Variants in GLB1 observed in about 807,000 individuals in gnomAD.
The protein encoded by GLB1 is beta-galactosidase.
Under a neutral mutation model 74.0 loss-of-function variants are expected in GLB1, and 56 were observed. The observed-to-expected ratio is 0.76, with a 90% CI of 0.61 to 0.94. The LOEUF is 0.94. GLB1 is among the 40% of genes least tolerant of loss of function. The probability of loss-of-function intolerance (pLI) is 0.00; values close to 1 mark genes in which losing one functional copy is unlikely to be tolerated. For missense variants in GLB1, 787 were observed against 845.5 expected (o/e 0.93, Z 0.86); for synonymous variants, 323 against 323.6 (o/e 1.00, Z 0.02).
the GLB1 span, among the ~76,000 whole-genome samples, chr3:32,978,765 C>CTTTTT: frequency 6.7e-4 from 84 of 126,010 alleles, no homozygotes; most frequent in East Asian, 4.1e-3. Flanking sequence ...TTCTTTCTTT[C>CTTTTT]TTTTTTTTTT....
the GLB1 span, among the ~76,000 whole-genome samples, chr3:32,965,121 C>T: frequency 9.9e-5 from 15 of 152,106 alleles, no homozygotes; most frequent in African/African-American, 3.6e-4. Flanking sequence ...TGAGAACAGA[C>T]TAATACAGTA....
intron 12 of GLB1, among the ~76,000 whole-genome samples, chr3:33,020,633 G>A (rs1220284274): frequency 6.6e-6 from 1 of 152,180 alleles, no homozygotes; most frequent in East Asian, 1.9e-4. Flanking sequence ...GAAGACTAAG[G>A]AGAATATAAT....
chr3:33,054,556 C>A (rs1699139566), intron 6 of GLB1, among the ~76,000 whole-genome samples: 1 of 152,224 alleles, frequency 6.6e-6, no homozygotes, highest in Admixed American at 6.5e-5. Context: ...AAGATACTTA[C>A]AGCCTCAATA....
intron 4 of GLB1, among the ~76,000 whole-genome samples, chr3:33,066,531 AATAAATGCTTTTCTTT>A (rs1174735665): frequency 6.6e-6 from 1 of 152,182 alleles, no homozygotes; most frequent in Admixed American, 6.5e-5. Context: ...AACTGTAGGA[AATAAATGCTTTTCTTT>A]ATAAATTACT....
the GLB1 span, among the ~76,000 whole-genome samples, chr3:32,976,438 C>T: frequency 2.6e-5 from 4 of 152,318 alleles, no homozygotes; most frequent in Admixed American, 6.5e-5. Flanking sequence ...CACTGTGTTG[C>T]GTCTGCCCTT....
intron 13 of GLB1, 116 bp downstream of exon 13, chr3:33,018,332 G>A (rs988044298): frequency 1.8e-5 from 12 of 671,172 alleles, no homozygotes; most frequent in African/African-American, 1.7e-4. Flanking sequence ...AAAGATGATG[G>A]GTAGAGCCTG....
intron 15 of GLB1, among the ~76,000 whole-genome samples, chr3:32,998,996 T>A (rs113118770): frequency 1.3e-5 from 2 of 152,322 alleles, no homozygotes; most frequent in African/African-American, 4.8e-5. Flanking sequence ...CAATTTTTCA[T>A]ACCAGTCATT....
intron 1 of GLB1, among the ~76,000 whole-genome samples, chr3:33,089,381 T>C (rs944832054): frequency 6.6e-6 from 1 of 151,912 alleles, no homozygotes; most frequent in Non-Finnish European, 1.5e-5. Flanking sequence ...TGATAAGGGG[T>C]TAATGTCCAG....
intron 10 of GLB1, among the ~76,000 whole-genome samples, chr3:33,032,296 C>T (rs898945237): frequency 6.6e-6 from 1 of 152,140 alleles, no homozygotes; most frequent in Non-Finnish European, 1.5e-5. Context: ...TCCGACTTCT[C>T]CCTGGAGTGT....
At chr3:33,008,134 C>A (rs1696858835) in intron 15 of GLB1, among the ~76,000 whole-genome samples, 1 of 152,182 alleles carries the variant, frequency 6.6e-6, no homozygotes, top group Admixed American at 6.5e-5. Flanking sequence ...TCCCTCTGAC[C>A]TCCAACACAT....
In GLB1 at chr3:33,053,494, G is replaced by A. The variant is rs1306950895; in HGVS notation, c.789C>T (p.Pro263=). The stretch of plus-strand genomic sequence containing the variant: ...ACACCTCACCCTCGATTCTTACCAA[G>A]GGTCCTTTGGGCTCACACTTCCTCT... ...LSQRKCEPKG[P]LINSEFYTGW... Residue 263 remains proline, a synonymous_variant, in exon 7 of 16, where the codon CCC becomes CCT. Coordinates refer to ENST00000307363, the MANE Select transcript of GLB1 (RefSeq NM_000404.4). 6.2e-7 allele frequency: 1 copy of A among 1,614,144 alleles called. No homozygotes were observed. Among genetic ancestry groups the A allele is most frequent in the East Asian group, 2.2e-5 (1 of 44,878 alleles).
chr3:32,997,341 G>C lies in GLB1; in HGVS notation c.1738C>G (p.Gln580Glu). Reference protein sequence around the residue: ...FIQFPGWTKGQVWINGFNLGR... With the variant: ...FIQFPGWTKGEVWINGFNLGR... ...AGGTTAAAGCCATTAATCCAGACCT[G>C]GCCCTGGAGAGAGAGAGACAGAGAA... The change falls in exon 16 of 16, where the codon CAG becomes GAG. Residue 580 changes from glutamine to glutamate, a missense_variant. Transcript: ENST00000307363. 1 of 1,612,806 alleles carries C rather than the reference G, an allele frequency of 6.2e-7. No homozygotes were observed. The highest frequency in any genetic ancestry group is 1.3e-5 in the African/African-American group (1 of 74,994).
downstream of GLB1, among the ~76,000 whole-genome samples, chr3:32,992,286 G>T (rs1406942344): frequency 6.6e-6 from 1 of 152,186 alleles, no homozygotes; most frequent in Admixed American, 6.5e-5. Context: ...CTTCACCTTT[G>T]TGTCCTCAGC....
At chr3:33,092,789 G>A in intron 1 of GLB1, 1 of 1,537,086 alleles carries the variant, frequency 6.5e-7, no homozygotes, top group Non-Finnish European at 8.8e-7. Flanking sequence ...CAGGATGGAG[G>A]GTCGAGGACA....
At chr3:32,964,994 G>T in the GLB1 span, among the ~76,000 whole-genome samples, 37 of 152,180 alleles carry the variant, frequency 2.4e-4, no homozygotes, top group African/African-American at 8.2e-4. Flanking sequence ...ATGTGCCTTT[G>T]CTCCTTTTTC....
intron 10 of GLB1, among the ~76,000 whole-genome samples, chr3:33,031,672 T>TATATATATATATAA (rs1698047066): frequency 8.7e-6 from 1 of 114,858 alleles, no homozygotes; most frequent in South Asian, 3.0e-4. Flanking sequence ...TATATATATA[T>TATATATATATATAA]ATAATCTCCA....
the GLB1 span, among the ~76,000 whole-genome samples, chr3:32,977,693 C>G: frequency 6.6e-6 from 1 of 152,132 alleles, no homozygotes; most frequent in Admixed American, 6.5e-5. Context: ...AAATCCTATG[C>G]CACTTGTCAT....
chr3:33,047,524 C>T (rs1698791107), intron 9 of GLB1, among the ~76,000 whole-genome samples: 1 of 152,206 alleles, frequency 6.6e-6, no homozygotes. Context: ...TTTGTGCCTT[C>T]CTCCTCTACT....
chr3:32,987,988 C>G, the GLB1 span, among the ~76,000 whole-genome samples: 1 of 151,814 alleles, frequency 6.6e-6, no homozygotes, highest in Admixed American at 6.6e-5. Context: ...AGTTTGAGAC[C>G]ACCTGACTAA....
Sources: allele counts gnomAD v4.1 joint callset (sites outside exome capture counted in the v4.1 genomes callset), GRCh38; gene constraint gnomAD v4.1.1; transcripts MANE v1.5; gene names NCBI Gene and HGNC (gene_info 2026-07-23, HGNC 2026-07-21).